The following SLC38A7 variants were observed in gnomAD, a reference collection of about 807,000 sequenced individuals.
SLC38A7 encodes the protein sodium-coupled neutral amino acid transporter 7.
Under a neutral mutation model 50.1 loss-of-function variants are expected in SLC38A7, and 29 were observed. The observed-to-expected ratio is 0.58, with a 90% CI of 0.43 to 0.79. SLC38A7 has a LOEUF of 0.79. Among genes scored for constraint, SLC38A7 ranks in the 30% least tolerant of loss-of-function variants. The pLI is 0.00. For synonymous variants in SLC38A7, 244 were observed against 245.9 expected (o/e 0.99, Z 0.07); for missense variants, 483 against 610.6 (o/e 0.79, Z 2.20).
chr16:58,675,926 G>A lies in SLC38A7; in HGVS notation c.883+14C>T. On this transcript the variant is annotated intron_variant, in intron 8 of 11. Transcript: ENST00000219320. ...GCACTCTAGTCCCAGGTCTTGGGGG[G>A]GGGGAGCACTCACCTGTCCCCATGT... 6.3e-7 allele frequency: 1 copy of A among 1,589,902 alleles called. No homozygotes were observed.
At chr16:58,676,432 C>G in intron 6 of SLC38A7, 86 bp from the exon 7 acceptor site, 1 of 1,420,542 alleles carries the variant, frequency 7.0e-7, no homozygotes, top group Non-Finnish European at 9.9e-7. Flanking sequence ...GGTCAGCCCA[C>G]CATGGTCTCC....
chr16:58,684,460 G>C (rs918350592), intron 1 of SLC38A7: 2 of 152,660 alleles, frequency 1.3e-5, no homozygotes, highest in African/African-American at 4.8e-5. Flanking sequence ...GAGCGAGAAG[G>C]GTGGGCTACT....
chr16:58,683,658 TCTC>T (rs2044437201), intron 2 of SLC38A7: 2 of 152,252 alleles, frequency 1.3e-5, no homozygotes, highest in Admixed American at 1.3e-4. Flanking sequence ...GCTGTGACCA[TCTC>T]CTCCCCGCTG....
At chr16:58,676,140 A>G in intron 7 of SLC38A7, 86 bp from the exon 8 acceptor site, 2 of 1,550,464 alleles carry the variant, frequency 1.3e-6, no homozygotes, top group Admixed American at 3.4e-5. Flanking sequence ...CAAAGACCCC[A>G]GGAACAAGGG....
Position 58,680,217 on chromosome 16 carries a change from C to T in SLC38A7, c.-91G>A, listed in dbSNP as rs573744702. 1.4e-6 allele frequency: 2 copies of T among 1,417,256 alleles called. No homozygotes were observed. Among genetic ancestry groups the T allele is most frequent in the South Asian group, 1.6e-5 (1 of 61,466 alleles). The allele number at this position is 1,417,256 out of a possible 1,614,324, so 87.8% of individuals were successfully genotyped here. On this transcript the variant is annotated 5_prime_UTR_variant, in exon 3 of 12. Transcript: ENST00000219320. ...CTGAGCAACACCCACCTGTTTGGGGCTGTTAGCTTAGGACTCTTCTCAACC... is the reference window on the plus strand; with the variant it reads ...CTGAGCAACACCCACCTGTTTGGGGTTGTTAGCTTAGGACTCTTCTCAACC...
At chr16:58,679,183 G>A (rs1399151591) in intron 3 of SLC38A7, among the ~76,000 whole-genome samples, 2 of 152,228 alleles carry the variant, frequency 1.3e-5, no homozygotes, top group South Asian at 2.1e-4. Flanking sequence ...CTTGAAGTCA[G>A]GAGTTTGAGA....
At position 58,667,297 on chromosome 16, in the gene SLC38A7, G is replaced by A; in HGVS notation, c.*88C>T. On this transcript the variant is annotated 3_prime_UTR_variant, in exon 12 of 12. Transcript: ENST00000219320. Reference sequence around the variant, plus strand: ...CGGATGTCATCCCACCAGTTGGAATGATCGTGGACTAAGAATGGCCCCATA... The same window carrying A: ...CGGATGTCATCCCACCAGTTGGAATAATCGTGGACTAAGAATGGCCCCATA... 7.4e-7 allele frequency: 1 copy of A among 1,358,006 alleles called. No individual in the cohort carries two copies. 84.1% of individuals were successfully genotyped at this position (1,358,006 alleles called of 1,614,324 possible).
intron 8 of SLC38A7, among the ~76,000 whole-genome samples, chr16:58,674,333 A>G (rs1004793483): frequency 7.2e-5 from 11 of 151,986 alleles, no homozygotes; most frequent in African/African-American, 2.7e-4. Context: ...TTGGAGTGTA[A>G]TGGCATGATC....
chr16:58,678,458 C>A lies in SLC38A7; in HGVS notation c.486G>T (p.Ala162=). The change falls in exon 5 of 12, where the codon GCG becomes GCT. Residue 162 remains alanine (A), a synonymous_variant. Coordinates refer to ENST00000219320, the MANE Select transcript of SLC38A7 (RefSeq NM_018231.3). The surrounding 1 kb of genome is among the most constrained non-coding windows in gnomAD (Gnocchi z 4.0). ...GGCCGCTGGCCCCCTCCGGCTCTTT[C>A]GCCATCACAGCTATAACTGCACAGG... is the stretch of plus-strand genomic sequence containing the variant. ...DQQDKIIAVM[A]KEPEGASGPW... 1 of 1,561,222 alleles carries A rather than the reference C, an allele frequency of 6.4e-7. No individual in the cohort carries two copies. Among genetic ancestry groups the A allele is most frequent in the Non-Finnish European group, 8.7e-7 (1 of 1,153,882 alleles).
At chr16:58,671,600 C>A in intron 9 of SLC38A7, 1 of 324,242 alleles carries the variant, frequency 3.1e-6, no homozygotes, top group Non-Finnish European at 5.8e-6. Context: ...CTGGCTCTCT[C>A]ACCCAGGCTG....
At chr16:58,671,592 G>C (rs2044160843) in intron 9 of SLC38A7, 1 of 341,610 alleles carries the variant, frequency 2.9e-6, no homozygotes, top group East Asian at 6.0e-5. Context: ...GACAGGGTCT[G>C]GCTCTCTCAC....
intron 5 of SLC38A7, 153 bp from the exon 6 acceptor site, chr16:58,677,577 T>C (rs2044297051): frequency 1.5e-6 from 1 of 651,192 alleles, no homozygotes; most frequent in Non-Finnish European, 2.7e-6. Context: ...GCCTGAGAAG[T>C]AGTTTCAGAG....
intron 8 of SLC38A7, among the ~76,000 whole-genome samples, chr16:58,672,918 C>T (rs1597667815): frequency 6.6e-6 from 1 of 151,936 alleles, no homozygotes; most frequent in East Asian, 1.9e-4. Context: ...AGCCACTACA[C>T]CCAGCCTTCT....
intron 11 of SLC38A7, among the ~76,000 whole-genome samples, 159 bp downstream of exon 11, chr16:58,669,954 G>A (rs1371475353): frequency 1.3e-5 from 2 of 149,096 alleles, no homozygotes; most frequent in Non-Finnish European, 1.5e-5. Context: ...CAGGCTGGGC[G>A]ACACAGCGAG....
At chr16:58,673,230 C>A (rs886649732) in intron 8 of SLC38A7, among the ~76,000 whole-genome samples, 2 of 133,278 alleles carry the variant, frequency 1.5e-5, no homozygotes, top group Admixed American at 7.2e-5. Context: ...TGCCGCCACA[C>A]CTGGCTAATT....
At position 58,678,408 on chromosome 16, in the gene SLC38A7, G is replaced by C. The variant is rs763941676; in HGVS notation, c.536C>G (p.Thr179Ser). 4 of 1,600,854 alleles carry C rather than the reference G, an allele frequency of 2.5e-6. No homozygotes were observed. In the Admixed American group the frequency reaches 6.9e-5, roughly 28 times the overall value. ...GAAGAGGAAGGCAGTGAGGCTGATG[G>C]TGAACTTGCGGTCTGTGTACCAAGG... ...SGPWYTDRKF[T>S]ISLTAFLFIL... The change falls in exon 5 of 12, where the codon ACC (threonine) becomes AGC (serine). Residue 179 changes from threonine (T) to serine (S), a missense_variant. By Grantham distance (58) the Thr-to-Ser change is moderately conservative. Coordinates refer to ENST00000219320, the MANE Select transcript of SLC38A7 (RefSeq NM_018231.3). This position sits in a 1 kb window ranked among gnomAD's most constrained non-coding sequence, Gnocchi z 4.0.
At position 58,679,897 on chromosome 16, in the gene SLC38A7, C is replaced by A; in HGVS notation, c.230G>T (p.Ser77Ile). Residue 77 changes from serine (S) to isoleucine (I), a missense_variant, in exon 3 of 12, where the codon AGC (serine) becomes ATC (isoleucine). By Grantham distance (142) the Ser-to-Ile change is moderately radical. Transcript: ENST00000219320. ...GCCTGCTGCCACGCCCCCCGCAGTG[C>A]TGAAGGCTGCTGGGAAGTTGAGTAA... ...AGLLNFPAAF[S>I]TAGGVAAGIA... 1 of 1,613,730 alleles carries A rather than the reference C, an allele frequency of 6.2e-7. No homozygotes were observed. The highest frequency in any genetic ancestry group is 8.5e-7 in the Non-Finnish European group (1 of 1,179,810).
At chr16:58,682,952 G>A (rs953007300) in intron 2 of SLC38A7, among the ~76,000 whole-genome samples, 1 of 150,938 alleles carries the variant, frequency 6.6e-6, no homozygotes, top group Non-Finnish European at 1.5e-5. Flanking sequence ...TGTTCCTGTG[G>A]GGAACAAAAT....
At chr16:58,680,562 G>A (rs1685591355) in intron 2 of SLC38A7, among the ~76,000 whole-genome samples, 1 of 152,200 alleles carries the variant, frequency 6.6e-6, no homozygotes. Context: ...CAATCCTTAG[G>A]ATGGTCTTGT....
Sources: gnomAD v4.1 joint callset for allele counts (sites outside exome capture counted in the v4.1 genomes callset) on GRCh38, gnomAD v4.1.1 for gene constraint, Gnocchi (gnomAD v3.1) non-coding constraint, MANE v1.5 for transcripts, NCBI Gene and HGNC (gene_info 2026-07-23, HGNC 2026-07-21) for gene names.